Variants in ADCY8 observed in about 807,000 individuals in gnomAD.
ADCY8 encodes the protein adenylate cyclase 8, also known as adenylate cyclase type 8.
Under a neutral mutation model 119.7 loss-of-function variants are expected in ADCY8, and 51 were observed. The observed-to-expected ratio is 0.43, with a 90% CI of 0.34 to 0.54. The LOEUF is 0.54. Among genes scored for constraint, ADCY8 ranks in the 20% least tolerant of loss-of-function variants. The pLI is 0.03. For synonymous variants in ADCY8, 665 were observed against 651.0 expected (o/e 1.02, Z -0.33); for missense variants, 1,383 against 1,598.8 (o/e 0.87, Z 2.30).
At chr8:131,013,895 T>C (rs1307888689) in intron 1 of ADCY8, among the ~76,000 whole-genome samples, 1 of 152,196 alleles carries the variant, frequency 6.6e-6, no homozygotes, top group Non-Finnish European at 1.5e-5. Flanking sequence ...AGAAGTCCAT[T>C]ATATATTCTG....
intron 5 of ADCY8, among the ~76,000 whole-genome samples, chr8:130,931,538 C>T (rs1274710564): frequency 6.6e-6 from 1 of 152,030 alleles, no homozygotes. Flanking sequence ...CTTTCTACCC[C>T]TTTATCTTAT....
chr8:130,800,357 C>T lies in ADCY8; in HGVS notation c.3060+69G>A, dbSNP rs531819618. The T allele has an allele frequency of 1.6e-4, 243 of 1,545,814 alleles. No homozygotes were observed. The African/African-American group carries it at 3.1e-3, about 19-fold the overall frequency. ...AAAAAAAAAAAATAAGTAATTCCTA[C>T]AATGAATAACACAACGCTTTGACAA... On this transcript the variant is annotated intron_variant, in intron 15 of 17. Transcript: ENST00000286355.
intron 12 of ADCY8, among the ~76,000 whole-genome samples, chr8:130,828,402 C>T (rs1816731009): frequency 6.6e-6 from 1 of 151,984 alleles, no homozygotes; most frequent in Non-Finnish European, 1.5e-5. Flanking sequence ...CCAAGTCACT[C>T]TGTGCCCTTG....
chr8:130,987,314 C>T (rs1313423371), intron 2 of ADCY8, among the ~76,000 whole-genome samples: 2 of 152,114 alleles, frequency 1.3e-5, no homozygotes, highest in South Asian at 4.1e-4. Context: ...ACACTATTGC[C>T]ATACATGTCT....
chr8:130,931,177 T>G (rs760598811), intron 5 of ADCY8, among the ~76,000 whole-genome samples: 1 of 152,176 alleles, frequency 6.6e-6, no homozygotes, highest in Non-Finnish European at 1.5e-5. Context: ...TTAATCTCCC[T>G]TCATTTCTAA....
At chr8:130,950,098 C>T (rs750747214) in intron 3 of ADCY8, among the ~76,000 whole-genome samples, 2 of 152,202 alleles carry the variant, frequency 1.3e-5, no homozygotes, top group Non-Finnish European at 2.9e-5. Context: ...CAAAATTGTC[C>T]TCTATCCTGC....
chr8:130,843,163 A>T (rs1481949305), intron 11 of ADCY8, among the ~76,000 whole-genome samples: 1 of 152,174 alleles, frequency 6.6e-6, no homozygotes, highest in Non-Finnish European at 1.5e-5. Context: ...AGAGCAGCAT[A>T]TGATGTAGAA....
At chr8:130,972,109 C>A (rs1821940554) in intron 2 of ADCY8, among the ~76,000 whole-genome samples, 1 of 152,148 alleles carries the variant, frequency 6.6e-6, no homozygotes, top group African/African-American at 2.4e-5. Flanking sequence ...ACAATCACCA[C>A]TCTTACAAGG....
chr8:130,942,714 C>CT (rs1413541070), intron 4 of ADCY8, among the ~76,000 whole-genome samples: 3 of 152,166 alleles, frequency 2.0e-5, no homozygotes, highest in Admixed American at 2.0e-4. Flanking sequence ...TATTTGAACC[C>CT]AAAGCCCACT....
At chr8:130,906,727 T>G (rs1163446127) in intron 6 of ADCY8, among the ~76,000 whole-genome samples, 1 of 151,938 alleles carries the variant, frequency 6.6e-6, no homozygotes, top group Non-Finnish European at 1.5e-5. Context: ...TCTGATAAAT[T>G]TTAATGCTAG....
At chr8:130,914,815 C>T (rs1438750358) in intron 5 of ADCY8, among the ~76,000 whole-genome samples, 1 of 152,230 alleles carries the variant, frequency 6.6e-6, no homozygotes, top group African/African-American at 2.4e-5. Context: ...TCTTTCTTCT[C>T]TAGACACTCG....
In ADCY8 at chr8:130,836,402, G is replaced by A. The variant is rs1816987952; in HGVS notation, c.2550C>T (p.Phe850=). 1 of 1,613,842 alleles carries A rather than the reference G, an allele frequency of 6.2e-7. No homozygotes were observed. The highest frequency in any genetic ancestry group is 8.5e-7 in the Non-Finnish European group (1 of 1,179,908). The part of the protein sequence containing the change: ...GVLAMVTCAV[F]LRLNSVLKLA... ...GCTTCAGGACGGAGTTCAGCCGGAG[G>A]AAAACTGCACAGGTCACCATGGCCA... The change falls in exon 12 of 18, where the codon TTC becomes TTT. Residue 850 remains phenylalanine (F), a synonymous_variant. Coordinates refer to ENST00000286355, the MANE Select transcript of ADCY8 (RefSeq NM_001115.3).
chr8:130,954,692 T>C (rs554312074), intron 2 of ADCY8, among the ~76,000 whole-genome samples: 60 of 152,234 alleles, frequency 3.9e-4, no homozygotes, highest in Non-Finnish European at 6.0e-4. Flanking sequence ...CACATGGTTA[T>C]AGTAAACTGA....
intron 6 of ADCY8, among the ~76,000 whole-genome samples, chr8:130,905,566 T>A (rs1225367874): frequency 6.6e-6 from 1 of 152,136 alleles, no homozygotes; most frequent in Non-Finnish European, 1.5e-5. Flanking sequence ...GAAAAGTTTT[T>A]AAAAAAAATT....
chr8:131,017,034 G>A (rs1443731455), intron 1 of ADCY8, among the ~76,000 whole-genome samples: 2 of 151,898 alleles, frequency 1.3e-5, no homozygotes, highest in East Asian at 3.9e-4. Context: ...TGGCCTTGAG[G>A]ACCACTCCAA....
At chr8:130,791,816 G>GGATGT (rs1815434642) in intron 15 of ADCY8, among the ~76,000 whole-genome samples, 1 of 152,194 alleles carries the variant, frequency 6.6e-6, no homozygotes, top group Admixed American at 6.5e-5. Context: ...TGTCATGTAG[G>GGATGT]CATGCTGCTC....
intron 15 of ADCY8, among the ~76,000 whole-genome samples, chr8:130,790,266 A>G (rs1480534988): frequency 2.6e-5 from 4 of 152,152 alleles, no homozygotes; most frequent in Non-Finnish European, 5.9e-5. Context: ...CCATTCTCAG[A>G]TATGATTATT....
intron 8 of ADCY8, 52 bp downstream of exon 8, chr8:130,884,512 C>T (rs1818903626): frequency 2.5e-6 from 4 of 1,588,480 alleles, no homozygotes; most frequent in East Asian, 2.2e-5. Context: ...GTCCCATGAA[C>T]ATCTACCACA....
rs140806503 is a variant in ADCY8 at position 130,833,921 on chromosome 8, G to A, written c.2675+2356C>T. Reference sequence around the variant, plus strand: ...GTGACATGAAATTGAGGAGCTTTTAGTCAAAGGATACAAAATTTTAGTTAG... The same window carrying A: ...GTGACATGAAATTGAGGAGCTTTTAATCAAAGGATACAAAATTTTAGTTAG... On this transcript the variant is annotated intron_variant, in intron 12 of 17. Coordinates refer to ENST00000286355, the MANE Select transcript of ADCY8 (RefSeq NM_001115.3). Among the ~76,000 whole-genome samples the A allele has an allele frequency of 3.0e-4, 45 of 152,220 alleles. No homozygotes were observed. In the East Asian group the frequency reaches 7.7e-3, roughly 26 times the overall value.
Sources: allele counts gnomAD v4.1 joint callset (sites outside exome capture counted in the v4.1 genomes callset), GRCh38; gene constraint gnomAD v4.1.1; transcripts MANE v1.5; gene names NCBI Gene and HGNC (gene_info 2026-07-23, HGNC 2026-07-21).